FAM229B: variants seen among roughly 807,000 people sequenced by gnomAD.
FAM229B encodes protein FAM229B.
FAM229B carries 2 observed loss-of-function variants against 6.7 expected under a neutral mutation model. The observed-to-expected ratio is 0.30, with a 90% CI of 0.12 to 0.94. The LOEUF is 0.94. Ranked by LOEUF, FAM229B falls within the 40% of genes least tolerant of loss-of-function variation. FAM229B has a pLI of 0.54. For synonymous variants in FAM229B, 29 were observed against 34.0 expected (o/e 0.85, Z 0.51); for missense variants, 93 against 96.2 (o/e 0.97, Z 0.14).
At chr6:112,090,669 C>G (rs1282170796) in intron 1 of FAM229B, among the ~76,000 whole-genome samples, 2 of 151,838 alleles carry the variant, frequency 1.3e-5, no homozygotes, top group Non-Finnish European at 2.9e-5. Flanking sequence ...TATGTTATCC[C>G]CCTTCTGGCA....
At chr6:112,089,117 A>C (rs1428267190) in intron 1 of FAM229B, among the ~76,000 whole-genome samples, 1 of 152,180 alleles carries the variant, frequency 6.6e-6, no homozygotes, top group Non-Finnish European at 1.5e-5. Context: ...AAGCAAGAGA[A>C]ATGTTTTTGG....
At chr6:112,099,537 C>T (rs902685392) in intron 3 of FAM229B, 129 bp downstream of exon 3, 8 of 909,720 alleles carry the variant, frequency 8.8e-6, no homozygotes, top group African/African-American at 6.8e-5. Flanking sequence ...TCTAAGTTAG[C>T]GTATTAACAG....
intron 1 of FAM229B, among the ~76,000 whole-genome samples, chr6:112,090,980 G>A (rs6909403): frequency 4.0e-5 from 6 of 151,790 alleles, no homozygotes; most frequent in East Asian, 3.9e-4. Context: ...TATTGTATCC[G>A]TTGGACATCT....
At chr6:112,090,591 G>A (rs1372630965) in intron 1 of FAM229B, among the ~76,000 whole-genome samples, 2 of 152,040 alleles carry the variant, frequency 1.3e-5, no homozygotes, top group Non-Finnish European at 2.9e-5. Flanking sequence ...AATCTCAGTG[G>A]TGTAAAACAA....
In FAM229B at chr6:112,094,438, T is replaced by C. The variant is rs587729053; in HGVS notation, c.-175-2603T>C. Among the ~76,000 whole-genome samples the C allele has an allele frequency of 3.9e-5, 6 of 152,286 alleles. No individual in the cohort carries two copies. The South Asian group carries it at 1.2e-3, about 32-fold the overall frequency. On this transcript the variant is annotated intron_variant, in intron 1 of 3. Coordinates refer to ENST00000368656, the MANE Select transcript of FAM229B (RefSeq NM_001033564.3). ...TATGCTGGCCTTTCAGATTTTTTAT[T>C]GTCTTTACTAGCATGACCTTTCCAC...
At chr6:112,093,663 TTC>T (rs1466394688) in intron 1 of FAM229B, among the ~76,000 whole-genome samples, 2 of 152,054 alleles carry the variant, frequency 1.3e-5, no homozygotes, top group Non-Finnish European at 1.5e-5. Context: ...ACAACGAATA[TTC>T]TCTGACAAAA....
chr6:112,095,857 C>T (rs587657339), intron 1 of FAM229B, among the ~76,000 whole-genome samples: 146 of 151,952 alleles, frequency 9.6e-4, no homozygotes, highest in African/African-American at 3.4e-3. Flanking sequence ...ACTGTGACAC[C>T]GTCAGTTATT....
rs112847005 is a variant in FAM229B at position 112,101,159 on chromosome 6, TGCTACTTG to T, written c.*377_*384del. ...CTCATTTCCTTGTTCATATTTGGGT[TGCTACTTG>T]GCTAAATCCTTTCACCTTAGTACCC... On this transcript the variant is annotated 3_prime_UTR_variant, in exon 4 of 4. Coordinates refer to ENST00000368656, the MANE Select transcript of FAM229B (RefSeq NM_001033564.3). The T allele has an allele frequency of 4.8e-3, 805 of 168,686 alleles. 9 individuals carry two copies. Among genetic ancestry groups the T allele is most frequent in the African/African-American group, 0.019 (778 of 41,908 alleles). 10.4% of individuals were successfully genotyped at this position (168,686 alleles called of 1,614,324 possible).
chr6:112,098,857 G>T (rs1777359340), intron 2 of FAM229B, among the ~76,000 whole-genome samples: 1 of 152,166 alleles, frequency 6.6e-6, no homozygotes, highest in South Asian at 2.1e-4. Flanking sequence ...GCGTTGCTTG[G>T]TGGCTATTTT....
At position 112,100,719 on chromosome 6, in the gene FAM229B, C is replaced by T. The variant is rs782240107; in HGVS notation, c.175C>T (p.Pro59Ser). The T allele has an allele frequency of 6.2e-7, 1 of 1,614,028 alleles. No homozygotes were observed. The highest frequency in any genetic ancestry group is 8.5e-7 in the Non-Finnish European group (1 of 1,179,932). The change falls in exon 4 of 4, where the codon CCC (proline) becomes TCC (serine). Residue 59 changes from proline (P) to serine (S), a missense_variant. Pro to Ser is a moderately conservative substitution (Grantham distance 74). Transcript: ENST00000368656. ...GSHCLTITDV[P>S]VTVYATTRKP... is the part of the protein sequence containing the mutation. ...TCATTGCCTGACAATAACTGATGTT[C>T]CCGTCACTGTTTATGCAACAACGAG...
chr6:112,098,717 A>G (rs1275857286), intron 2 of FAM229B, among the ~76,000 whole-genome samples: 2 of 152,220 alleles, frequency 1.3e-5, no homozygotes, highest in African/African-American at 4.8e-5. Flanking sequence ...CTGTGCTCCA[A>G]AGGAAGAGAA....
At chr6:112,096,278 C>T (rs1019620588) in intron 1 of FAM229B, among the ~76,000 whole-genome samples, 6 of 152,212 alleles carry the variant, frequency 3.9e-5, no homozygotes, top group Non-Finnish European at 7.4e-5. Context: ...TCCTTTCGGC[C>T]GGGCGCGGTG....
At chr6:112,089,683 G>A (rs186315521) in intron 1 of FAM229B, among the ~76,000 whole-genome samples, 3 of 152,098 alleles carry the variant, frequency 2.0e-5, no homozygotes, top group Non-Finnish European at 4.4e-5. Context: ...CATTTAAGAA[G>A]CAGACTAGAG....
intron 1 of FAM229B, among the ~76,000 whole-genome samples, chr6:112,092,280 A>G (rs1033741478): frequency 6.6e-6 from 1 of 152,118 alleles, no homozygotes; most frequent in African/African-American, 2.4e-5. Context: ...GCTTAATATC[A>G]GTGATAAAAA....
intron 1 of FAM229B, among the ~76,000 whole-genome samples, chr6:112,089,213 C>A (rs955788683): frequency 6.6e-6 from 1 of 151,600 alleles, no homozygotes; most frequent in African/African-American, 2.4e-5. Context: ...CAGAATTCCA[C>A]ATGCTGAAAA....
At chr6:112,088,630 A>G (rs2114499097) in intron 1 of FAM229B, among the ~76,000 whole-genome samples, 1 of 152,142 alleles carries the variant, frequency 6.6e-6, no homozygotes, top group South Asian at 2.1e-4. Context: ...TGGATTTTAT[A>G]TCTTTTGGTA....
chr6:112,092,542 A>C (rs1414125359), intron 1 of FAM229B, among the ~76,000 whole-genome samples: 6 of 152,108 alleles, frequency 3.9e-5, no homozygotes, highest in African/African-American at 1.4e-4. Flanking sequence ...AGCACTGTTA[A>C]ATGAAACATT....
intron 1 of FAM229B, among the ~76,000 whole-genome samples, chr6:112,092,690 A>G (rs1777273261): frequency 1.3e-5 from 2 of 152,074 alleles, no homozygotes; most frequent in Non-Finnish European, 2.9e-5. Context: ...AAAATGTATA[A>G]CGACATGCAT....
intron 3 of FAM229B, among the ~76,000 whole-genome samples, chr6:112,099,753 G>A (rs1326737361): frequency 1.3e-5 from 2 of 152,208 alleles, no homozygotes; most frequent in African/African-American, 4.8e-5. Context: ...AAACTTCAGT[G>A]CTAGTATGCA....
Sources: gnomAD v4.1 joint callset for allele counts (sites outside exome capture counted in the v4.1 genomes callset) on GRCh38, gnomAD v4.1.1 for gene constraint, MANE v1.5 for transcripts, NCBI Gene and HGNC (gene_info 2026-07-23, HGNC 2026-07-21) for gene names.